MAN1C1: variants seen among roughly 807,000 people sequenced by gnomAD.
MAN1C1 encodes the protein mannosyl-oligosaccharide 1,2-alpha-mannosidase IC.
In MAN1C1, 49 loss-of-function variants were observed where a neutral mutation model predicts 71.5. The observed-to-expected ratio is 0.69, with a 90% CI of 0.54 to 0.87. The LOEUF is 0.87. MAN1C1 is among the 40% of genes least tolerant of loss of function. MAN1C1 has a pLI of 0.00. For synonymous variants in MAN1C1, 352 were observed against 343.7 expected (o/e 1.02, Z -0.27); for missense variants, 743 against 835.0 (o/e 0.89, Z 1.36).
chr1:25,652,111 C>T (rs1249869227), intron 1 of MAN1C1, among the ~76,000 whole-genome samples: 1 of 152,208 alleles, frequency 6.6e-6, no homozygotes, highest in Non-Finnish European at 1.5e-5. Context: ...AAAAGTCTGA[C>T]CCCAAGGCCT....
At chr1:25,633,640 C>T (rs2045417221) in intron 1 of MAN1C1, among the ~76,000 whole-genome samples, 1 of 151,282 alleles carries the variant, frequency 6.6e-6, no homozygotes, top group South Asian at 2.1e-4. Context: ...TATCTTTTTC[C>T]ACCCCTTTAC....
At chr1:25,774,503 T>C (rs1051913899) in intron 8 of MAN1C1, among the ~76,000 whole-genome samples, 1 of 152,178 alleles carries the variant, frequency 6.6e-6, no homozygotes, top group African/African-American at 2.4e-5. Flanking sequence ...CAGAGGGGCC[T>C]GGCTTGCCTG....
At chr1:25,673,860 G>A (rs1037043427) in intron 1 of MAN1C1, among the ~76,000 whole-genome samples, 59 of 152,206 alleles carry the variant, frequency 3.9e-4, no homozygotes, top group African/African-American at 1.3e-3. Flanking sequence ...CACAGGTGAC[G>A]GTAAGGCTCA....
chr1:25,620,445 G>GTAGAA (rs2045190369), intron 1 of MAN1C1, among the ~76,000 whole-genome samples: 1 of 111,684 alleles, frequency 9.0e-6, no homozygotes, highest in African/African-American at 9.1e-5. Flanking sequence ...CCTGAAAGAT[G>GTAGAA]TAGAGTGGGT....
At position 25,735,470 on chromosome 1, in the gene MAN1C1, A is replaced by G. The variant is rs1284446071; in HGVS notation, c.638-11198A>G. Among the ~76,000 whole-genome samples, 1 of 152,078 alleles carries G rather than the reference A, an allele frequency of 6.6e-6. No individual in the cohort carries two copies. The highest frequency in any genetic ancestry group is 1.5e-5 in the Non-Finnish European group (1 of 68,028). ...TATATATATATGTGTGTATCTATAT[A>G]TGTGTATGTATATATGTGTGTATAT... On this transcript the variant is annotated intron_variant, in intron 2 of 11. Transcript: ENST00000374332. This position sits in a 1 kb window ranked among gnomAD's most constrained non-coding sequence, Gnocchi z 4.6.
At position 25,779,855 on chromosome 1, in the gene MAN1C1, T is replaced by C. The variant is rs1386629180; in HGVS notation, c.1478-1085T>C. Among the ~76,000 whole-genome samples, 2 of 152,178 alleles carry C rather than the reference T, an allele frequency of 1.3e-5. No individual in the cohort carries two copies. Among genetic ancestry groups the C allele is most frequent in the Non-Finnish European group, 2.9e-5 (2 of 68,018 alleles). On this transcript the variant is annotated intron_variant, in intron 9 of 11. Transcript: ENST00000374332. The surrounding 1 kb of genome is among the most constrained non-coding windows in gnomAD (Gnocchi z 4.6). ...TAAAGTAAAAGCAACCTAGGGCCTC[T>C]CAGGGTTTTGAACCCTGGTAGTAGG...
At chr1:25,765,105 G>A (rs965231216) in intron 7 of MAN1C1, among the ~76,000 whole-genome samples, 3 of 152,156 alleles carry the variant, frequency 2.0e-5, no homozygotes, top group Non-Finnish European at 2.9e-5. Context: ...ACAAGAATCA[G>A]TCCCAGAGTT....
intron 1 of MAN1C1, chr1:25,645,869 T>C (rs2045605619): frequency 6.6e-6 from 1 of 152,076 alleles, no homozygotes; most frequent in South Asian, 2.1e-4. Flanking sequence ...CTGGGCTGCA[T>C]GTCTAAGGAG....
At chr1:25,736,402 G>A (rs1260633878) in intron 2 of MAN1C1, among the ~76,000 whole-genome samples, 4 of 152,190 alleles carry the variant, frequency 2.6e-5, no homozygotes, top group East Asian at 1.9e-4. Flanking sequence ...TGCTGGGTGT[G>A]TCATATTCTC....
intron 1 of MAN1C1, among the ~76,000 whole-genome samples, chr1:25,658,186 C>T (rs1167385494): frequency 2.0e-5 from 3 of 152,216 alleles, no homozygotes; most frequent in African/African-American, 4.8e-5. Flanking sequence ...GGGCCTTTCC[C>T]ATAAACTGTT....
Position 25,758,575 on chromosome 1 carries a change from T to A in MAN1C1, c.930-17T>A, listed in dbSNP as rs200215567. 7.4e-5 allele frequency: 120 copies of A among 1,613,228 alleles called. 1 individual carries two copies. The highest frequency in any genetic ancestry group is 5.8e-4 in the South Asian group (53 of 91,054). Reference sequence around the variant, plus strand: ...TGGCCAAAGGGGGGATGACGGGGGCTGCTTCTGTCTTTTCAGTGGGAACTG... The same window carrying A: ...TGGCCAAAGGGGGGATGACGGGGGCAGCTTCTGTCTTTTCAGTGGGAACTG... On this transcript the variant is annotated splice_polypyrimidine_tract_variant and intron_variant, in intron 5 of 11. Transcript: ENST00000374332.
At chr1:25,669,776 C>G (rs2124127717) in intron 1 of MAN1C1, among the ~76,000 whole-genome samples, 1 of 152,218 alleles carries the variant, frequency 6.6e-6, no homozygotes, top group African/African-American at 2.4e-5. Context: ...CAGAGCAAGA[C>G]TCTGTCTCTA....
rs530162098 is a variant in MAN1C1, at chr1:25,623,276, G to A, written c.540+4939G>A. On this transcript the variant is annotated intron_variant, in intron 1 of 11. Coordinates refer to ENST00000374332, the MANE Select transcript of MAN1C1 (RefSeq NM_020379.4). ...CAGGTATACAACTTAACTCCCACACGTTGGTTGTGTCTCTGCTTTCATTTC... is the reference window on the plus strand; with the variant it reads ...CAGGTATACAACTTAACTCCCACACATTGGTTGTGTCTCTGCTTTCATTTC... Among the ~76,000 whole-genome samples the A allele has an allele frequency of 5.4e-4, 83 of 152,294 alleles. 1 individual carries two copies. In the South Asian group the frequency reaches 0.016, roughly 30 times the overall value.
chr1:25,705,879 G>A (rs2046514583), intron 2 of MAN1C1, among the ~76,000 whole-genome samples: 1 of 152,174 alleles, frequency 6.6e-6, no homozygotes, highest in Non-Finnish European at 1.5e-5. Context: ...GGAGTTTGAG[G>A]CTGCAGTGAA....
chr1:25,638,739 T>C (rs1238462188), intron 1 of MAN1C1, among the ~76,000 whole-genome samples: 1 of 152,152 alleles, frequency 6.6e-6, no homozygotes, highest in African/African-American at 2.4e-5. Flanking sequence ...TGATGAGAAG[T>C]TACAGGATAT....
chr1:25,676,025 T>G (rs1371284184), intron 1 of MAN1C1, among the ~76,000 whole-genome samples: 1 of 152,202 alleles, frequency 6.6e-6, no homozygotes, highest in Non-Finnish European at 1.5e-5. Context: ...AGAGTGGAAC[T>G]GAGGTACTCT....
At chr1:25,693,626 A>G (rs867342187) in intron 2 of MAN1C1, among the ~76,000 whole-genome samples, 10 of 152,272 alleles carry the variant, frequency 6.6e-5, no homozygotes, top group Middle Eastern at 3.4e-3. Context: ...ATGAGACTCC[A>G]TCTCGGAAAA....
intron 1 of MAN1C1, among the ~76,000 whole-genome samples, chr1:25,633,935 C>T (rs1475485645): frequency 6.6e-6 from 1 of 152,150 alleles, no homozygotes; most frequent in Non-Finnish European, 1.5e-5. Flanking sequence ...ATATTTAGAA[C>T]TCCTTTTAGC....
intron 4 of MAN1C1, among the ~76,000 whole-genome samples, chr1:25,749,990 G>A (rs72662665): frequency 0.082 from 12,520 of 152,256 alleles, 793 homozygotes; most frequent in East Asian, 0.23. Flanking sequence ...CCACAAGGAG[G>A]GCTGGGAAGT....
Sources: gnomAD v4.1 joint callset for allele counts (sites outside exome capture counted in the v4.1 genomes callset) on GRCh38, gnomAD v4.1.1 for gene constraint, Gnocchi (gnomAD v3.1) non-coding constraint, MANE v1.5 for transcripts, NCBI Gene and HGNC (gene_info 2026-07-23, HGNC 2026-07-21) for gene names.